The following HIVEP1 variants were observed in gnomAD, a reference collection of about 807,000 sequenced individuals.
The protein encoded by HIVEP1 is zinc finger protein 40.
Under a neutral mutation model 180.0 loss-of-function variants are expected in HIVEP1, and 36 were observed. That is an observed-to-expected ratio of 0.20 (90% CI 0.15 to 0.26). HIVEP1 has a LOEUF of 0.26. Among genes scored for constraint, HIVEP1 ranks in the 10% least tolerant of loss-of-function variants. HIVEP1 has a pLI of 1.00. For synonymous variants in HIVEP1, 1,239 were observed against 1,239.0 expected (o/e 1.00, Z 0.00); for missense variants, 3,143 against 3,268.7 (o/e 0.96, Z 0.94).
At position 12,124,481 on chromosome 6, in the gene HIVEP1, G is replaced by T. The variant is rs779101084; in HGVS notation, c.4686G>T (p.Leu1562Phe). The change falls in exon 4 of 9, where the codon TTG (leucine) becomes TTT (phenylalanine). Residue 1562 changes from leucine (L) to phenylalanine (F), a missense_variant. Physicochemically the swap from Leu to Phe is conservative, Grantham distance 22. Around this residue, in one of 12 missense-constraint regions of HIVEP1, gnomAD observed 1,357 missense variants for 1,260.5 expected, o/e 1.08. Transcript: ENST00000379388. ...ATTGCTTTGCTCCCAAATACCAATT[G>T]CATTGTCAGGTTTTCACTTCAGGCC... ...SEDCFAPKYQLHCQVFTSGPS... is the reference protein window; with the variant it reads ...SEDCFAPKYQFHCQVFTSGPS... 3 of 1,614,148 alleles carry T rather than the reference G, an allele frequency of 1.9e-6. 1 individual carries two copies. The South Asian group carries it at 3.3e-5, about 18-fold the overall frequency.
downstream of HIVEP1, among the ~76,000 whole-genome samples, chr6:12,168,360 T>TACA (rs1562025065): frequency 2.9e-5 from 3 of 103,556 alleles, no homozygotes; most frequent in Non-Finnish European, 4.0e-5. Context: ...TATGTATATA[T>TACA]TATATACATA....
chr6:12,184,324 A>AGAT, the HIVEP1 span, among the ~76,000 whole-genome samples: 15 of 152,350 alleles, frequency 9.8e-5, no homozygotes, highest in East Asian at 2.9e-3. Context: ...CAAAAGATTT[A>AGAT]GATATAAATA....
At chr6:12,051,629 G>A (rs1185334969) in intron 2 of HIVEP1, among the ~76,000 whole-genome samples, 1 of 151,382 alleles carries the variant, frequency 6.6e-6, no homozygotes, top group Non-Finnish European at 1.5e-5. Context: ...ATAGATACAG[G>A]TATCTTTACA....
intron 3 of HIVEP1, among the ~76,000 whole-genome samples, chr6:12,108,738 C>G (rs903651357): frequency 2.0e-5 from 3 of 152,154 alleles, no homozygotes; most frequent in Non-Finnish European, 2.9e-5. Context: ...CTGCAAGCGC[C>G]GCGCGCACCC....
chr6:12,032,311 T>G (rs1286658780), intron 2 of HIVEP1, among the ~76,000 whole-genome samples: 3 of 152,004 alleles, frequency 2.0e-5, no homozygotes, highest in African/African-American at 4.8e-5. Context: ...GCTAATTTTT[T>G]GTATTTTTTT....
chr6:12,135,804 A>G lies in HIVEP1; in HGVS notation c.6399A>G (p.Lys2133=), dbSNP rs758245273. 1.1e-5 allele frequency: 17 copies of G among 1,609,810 alleles called. No individual in the cohort carries two copies. In the South Asian group the frequency reaches 1.9e-4, roughly 18 times the overall value. The change falls in exon 7 of 9, where the codon AAA becomes AAG. Residue 2133 remains lysine (K), a synonymous_variant. Transcript: ENST00000379388. ...FSFKTKGNLT[K]HMKSKAHSKK... is the part of the protein sequence containing the mutation. ...TTTTCCCTTAAGGAAATCTGACAAA[A>G]CACATGAAGTCCAAGGCACATAGCA...
intron 6 of HIVEP1, among the ~76,000 whole-genome samples, chr6:12,133,058 G>GTGATGTGATGGCATGC (rs1380293117): frequency 6.6e-6 from 1 of 152,164 alleles, no homozygotes; most frequent in African/African-American, 2.4e-5. Flanking sequence ...GAAGGAAATA[G>GTGATGTGATGGCATGC]TGATGTGATG....
chr6:12,056,628 C>A (rs1358860056), intron 2 of HIVEP1, among the ~76,000 whole-genome samples: 2 of 151,982 alleles, frequency 1.3e-5, no homozygotes, highest in African/African-American at 4.8e-5. Flanking sequence ...TTTTATGCAT[C>A]TTTTAAATTT....
upstream of HIVEP1, among the ~76,000 whole-genome samples, chr6:12,009,142 G>GGCGGCGGCGGCGGCGGCA (rs1431405411): frequency 6.8e-6 from 1 of 146,498 alleles, no homozygotes; most frequent in East Asian, 2.0e-4. Context: ...CGGCGGCGGC[G>GGCGGCGGCGGCGGCGGCA]GCGCTGCCGG....
chr6:12,047,894 G>A (rs9349068), intron 2 of HIVEP1, among the ~76,000 whole-genome samples: 13,981 of 152,148 alleles, frequency 0.092, 716 homozygotes, highest in Middle Eastern at 0.32. Context: ...CTTTGTTTTG[G>A]GTTCATTGCA....
chr6:12,181,538 G>A, the HIVEP1 span, among the ~76,000 whole-genome samples: 1 of 151,854 alleles, frequency 6.6e-6, no homozygotes, highest in Non-Finnish European at 1.5e-5. Flanking sequence ...AGCCTCCCAA[G>A]TAGCTGGGAC....
At chr6:12,073,129 T>TG (rs2113790821) in intron 2 of HIVEP1, among the ~76,000 whole-genome samples, 1 of 152,344 alleles carries the variant, frequency 6.6e-6, no homozygotes, top group Non-Finnish European at 1.5e-5. Context: ...TTTCATAGAC[T>TG]GGTGGAGGCT....
chr6:12,030,316 A>G (rs1052049770), intron 2 of HIVEP1, among the ~76,000 whole-genome samples: 11 of 152,102 alleles, frequency 7.2e-5, no homozygotes, highest in Admixed American at 3.3e-4. Context: ...TTGGATATGT[A>G]GATCAGTATT....
the HIVEP1 span, among the ~76,000 whole-genome samples, chr6:12,210,611 C>T: frequency 1.3e-5 from 2 of 152,218 alleles, no homozygotes. Context: ...TCCTTCTGCT[C>T]ATTCATCATC....
intron 7 of HIVEP1, among the ~76,000 whole-genome samples, chr6:12,153,486 G>A (rs1759826109): frequency 6.9e-6 from 1 of 144,630 alleles, no homozygotes; most frequent in Non-Finnish European, 1.5e-5. Context: ...TGTACAGAAT[G>A]ATGCTAACTT....
chr6:12,205,701 A>G, the HIVEP1 span, among the ~76,000 whole-genome samples: 4 of 152,344 alleles, frequency 2.6e-5, no homozygotes, highest in East Asian at 7.7e-4. Context: ...TGTAAAGTAC[A>G]TATTTGTTAA....
intron 7 of HIVEP1, among the ~76,000 whole-genome samples, chr6:12,152,670 AT>A (rs1759774129): frequency 6.6e-6 from 1 of 152,190 alleles, no homozygotes; most frequent in South Asian, 2.1e-4. Flanking sequence ...TCTAGCAGAG[AT>A]TTCAGATACT....
chr6:12,091,125 T>G (rs116268678), intron 3 of HIVEP1, among the ~76,000 whole-genome samples: 1,535 of 152,272 alleles, frequency 0.01, 26 homozygotes, highest in African/African-American at 0.035. Flanking sequence ...TTTAACAACA[T>G]GAAAAGTCTG....
At chr6:12,129,939 T>G in intron 5 of HIVEP1, 47 bp downstream of exon 5, 1 of 1,301,790 alleles carries the variant, frequency 7.7e-7, no homozygotes, top group Non-Finnish European at 1.1e-6. Flanking sequence ...ACTGACTTTT[T>G]AAATGTACAT....
Sources: gnomAD v4.1 joint callset for allele counts (sites outside exome capture counted in the v4.1 genomes callset) on GRCh38, gnomAD v4.1.1 for gene constraint, gnomAD v4.1.1 regional missense constraint, MANE v1.5 for transcripts, NCBI Gene and HGNC (gene_info 2026-07-23, HGNC 2026-07-21) for gene names.